SEZ6L: variants seen among roughly 807,000 people sequenced by gnomAD.
The protein encoded by SEZ6L is seizure related 6 homolog like, also known as seizure 6-like protein.
Under a neutral mutation model 106.2 loss-of-function variants are expected in SEZ6L, and 37 were observed. That is an observed-to-expected ratio of 0.35 (90% CI 0.27 to 0.46). The LOEUF is 0.46. SEZ6L is among the 20% of genes least tolerant of loss of function. The probability of loss-of-function intolerance (pLI) is 1.00; values close to 1 mark genes in which losing one functional copy is unlikely to be tolerated. For missense variants in SEZ6L, 1,172 were observed against 1,332.8 expected (o/e 0.88, Z 1.88); for synonymous variants, 541 against 570.4 (o/e 0.95, Z 0.73).
chr22:26,365,662 T>A, intron 13 of SEZ6L, 96 bp downstream of exon 13: 1 of 1,185,756 alleles, frequency 8.4e-7, no homozygotes, highest in Non-Finnish European at 1.2e-6. Context: ...AAAATTGGAC[T>A]AGGAGTTCGA....
intron 1 of SEZ6L, among the ~76,000 whole-genome samples, chr22:26,264,090 A>G (rs1364605877): frequency 6.6e-6 from 1 of 152,248 alleles, no homozygotes; most frequent in Non-Finnish European, 1.5e-5. Flanking sequence ...ATCGTTGGCC[A>G]TCTCTCAGAT....
chr22:26,358,558 A>G lies in SEZ6L; in HGVS notation c.2600-6814A>G, dbSNP rs535039342. Among the ~76,000 whole-genome samples the G allele has an allele frequency of 2.0e-5, 3 of 152,334 alleles. No homozygotes were observed. The South Asian group carries it at 6.2e-4, about 32-fold the overall frequency. ...CTTTTTGTTCAAATGTGCTCCAGAAATGTACATTTTCTTCTATTGTTAAAG... is the reference window on the plus strand; with the variant it reads ...CTTTTTGTTCAAATGTGCTCCAGAAGTGTACATTTTCTTCTATTGTTAAAG... On this transcript the variant is annotated intron_variant, in intron 12 of 16. Coordinates refer to ENST00000248933, the MANE Select transcript of SEZ6L (RefSeq NM_021115.5).
chr22:26,181,399 G>A (rs1170458340), intron 1 of SEZ6L, among the ~76,000 whole-genome samples: 1 of 152,170 alleles, frequency 6.6e-6, no homozygotes, highest in Non-Finnish European at 1.5e-5. Context: ...AACCACCTTG[G>A]AAATTAATGT....
intron 5 of SEZ6L, among the ~76,000 whole-genome samples, chr22:26,302,910 G>C (rs1394952032): frequency 1.3e-5 from 2 of 152,348 alleles, no homozygotes; most frequent in East Asian, 3.9e-4. Context: ...ACCAGGGACA[G>C]TGTCCTCCAT....
intron 2 of SEZ6L, among the ~76,000 whole-genome samples, chr22:26,293,490 C>A (rs980931409): frequency 6.6e-6 from 1 of 152,112 alleles, no homozygotes; most frequent in East Asian, 1.9e-4. Flanking sequence ...ACTATGATGT[C>A]CAGCTAATTT....
chr22:26,261,125 G>C (rs1358350356), intron 1 of SEZ6L, among the ~76,000 whole-genome samples: 3 of 152,066 alleles, frequency 2.0e-5, no homozygotes, highest in Admixed American at 2.0e-4. Flanking sequence ...TGTAGATTAT[G>C]GATATTAGTC....
chr22:26,178,818 T>C (rs1939199155), intron 1 of SEZ6L, among the ~76,000 whole-genome samples: 1 of 152,018 alleles, frequency 6.6e-6, no homozygotes, highest in Admixed American at 6.6e-5. Context: ...GAGTGGGTGG[T>C]AGTGATGAGG....
intron 12 of SEZ6L, among the ~76,000 whole-genome samples, chr22:26,360,553 ATGGGGGAATTCTTTTG>A: frequency 6.6e-6 from 1 of 152,190 alleles, no homozygotes; most frequent in African/African-American, 2.4e-5. Context: ...GGAAAGGTTC[ATGGGGGAATTCTTTTG>A]TGTCGCCACT....
chr22:26,281,023 A>C (rs2145858505), intron 1 of SEZ6L, among the ~76,000 whole-genome samples: 1 of 152,336 alleles, frequency 6.6e-6, no homozygotes, highest in East Asian at 1.9e-4. Flanking sequence ...GCTTTGGCTT[A>C]AATTATTGTC....
intron 1 of SEZ6L, among the ~76,000 whole-genome samples, chr22:26,233,133 C>T (rs6004965): frequency 5.4e-4 from 82 of 152,382 alleles, no homozygotes; most frequent in African/African-American, 1.8e-3. Flanking sequence ...GCAATCGTCC[C>T]TAATCTCCGA....
chr22:26,334,971 T>C (rs28682494), intron 9 of SEZ6L, among the ~76,000 whole-genome samples: 1 of 152,170 alleles, frequency 6.6e-6, no homozygotes, highest in Admixed American at 6.5e-5. Context: ...TAGCGCCTCC[T>C]TGGATCGTAT....
chr22:26,373,510 A>AC lies in SEZ6L; in HGVS notation c.2827+27_2827+28insC, dbSNP rs2084113863. 1.9e-6 allele frequency: 3 copies of AC among 1,561,680 alleles called. No individual in the cohort carries two copies. The Admixed American group carries it at 5.5e-5, about 28-fold the overall frequency. ...TGAGTTCCAGAACGAAAAAAAAAAA[A>AC]GTTCAATAAATCAAACTAATAGCAC... On this transcript the variant is annotated intron_variant, in intron 14 of 16. Coordinates refer to ENST00000248933, the MANE Select transcript of SEZ6L (RefSeq NM_021115.5).
At chr22:26,309,184 T>C (rs985128757) in intron 6 of SEZ6L, among the ~76,000 whole-genome samples, 1 of 152,194 alleles carries the variant, frequency 6.6e-6, no homozygotes, top group Non-Finnish European at 1.5e-5. Context: ...CTTATCTAAT[T>C]TGTATATGGT....
chr22:26,319,363 T>C (rs999962830), intron 9 of SEZ6L, among the ~76,000 whole-genome samples: 1 of 151,500 alleles, frequency 6.6e-6, no homozygotes, highest in African/African-American at 2.4e-5. Flanking sequence ...ACCGAAGTCA[T>C]AGCACCCATG....
chr22:26,337,723 A>AT (rs2082689039), intron 9 of SEZ6L, among the ~76,000 whole-genome samples: 1 of 151,922 alleles, frequency 6.6e-6, no homozygotes, highest in Non-Finnish European at 1.5e-5. Context: ...GAGTCTGGGG[A>AT]TTTTGTCTTG....
At chr22:26,373,401 C>A (rs756490970) in intron 13 of SEZ6L, 50 bp from the exon 14 acceptor site, 2 of 1,548,178 alleles carry the variant, frequency 1.3e-6, no homozygotes, top group African/African-American at 1.4e-5. Flanking sequence ...TTCATGCAAA[C>A]GAAGTGAATT....
intron 1 of SEZ6L, among the ~76,000 whole-genome samples, chr22:26,275,180 C>G (rs1283189030): frequency 3.3e-5 from 5 of 152,206 alleles, no homozygotes; most frequent in African/African-American, 1.2e-4. Flanking sequence ...CCCCAACTTA[C>G]GATGGTTTGA....
At chr22:26,356,691 A>ATG (rs1568938992) in intron 12 of SEZ6L, among the ~76,000 whole-genome samples, 4 of 146,810 alleles carry the variant, frequency 2.7e-5, no homozygotes, top group Non-Finnish European at 6.0e-5. Flanking sequence ...TAATAATAAT[A>ATG]ATGACAATTG....
intron 1 of SEZ6L, among the ~76,000 whole-genome samples, chr22:26,216,179 G>C (rs1022575359): frequency 5.3e-5 from 8 of 152,334 alleles, no homozygotes; most frequent in Middle Eastern, 3.4e-3. Context: ...CAGAAAACCA[G>C]GGAGAGCTGG....
Sources: allele counts gnomAD v4.1 joint callset (sites outside exome capture counted in the v4.1 genomes callset), GRCh38; gene constraint gnomAD v4.1.1; transcripts MANE v1.5; gene names NCBI Gene and HGNC (gene_info 2026-07-23, HGNC 2026-07-21).